Variants in FBXO4 observed in about 807,000 individuals in gnomAD.
FBXO4 encodes the protein F-box only protein 4.
Under a neutral mutation model 43.7 loss-of-function variants are expected in FBXO4, and 36 were observed. The ratio of observed to expected loss-of-function variants is 0.82; its 90% CI spans 0.63 to 1.09. FBXO4 has a LOEUF of 1.09. Among genes scored for constraint, FBXO4 ranks in the 50% least tolerant of loss-of-function variants. FBXO4 has a pLI of 0.00. For synonymous variants in FBXO4, 180 were observed against 165.6 expected, an observed-to-expected ratio of 1.09 and a Z score of -0.67; for missense variants, 435 against 474.1, an observed-to-expected ratio of 0.92 and a Z score of 0.77.
the FBXO4 span, among the ~76,000 whole-genome samples, chr5:42,021,395 T>G: frequency 6.6e-6 from 1 of 152,134 alleles, no homozygotes; most frequent in Non-Finnish European, 1.5e-5. Flanking sequence ...GGTCTTGATT[T>G]GAGCACCCTT....
the FBXO4 span, among the ~76,000 whole-genome samples, chr5:42,010,844 G>C: frequency 5.3e-5 from 8 of 151,844 alleles, no homozygotes; most frequent in South Asian, 1.7e-3. Context: ...CCATTTCCTG[G>C]CTCAAGATTT....
At chr5:42,031,422 A>G in the FBXO4 span, among the ~76,000 whole-genome samples, 1 of 141,428 alleles carries the variant, frequency 7.1e-6, no homozygotes, top group African/African-American at 2.6e-5. Flanking sequence ...GAACACATGG[A>G]CACAGGAAGG....
chr5:42,006,914 A>ATATATATATATATATATATATATATG, the FBXO4 span, among the ~76,000 whole-genome samples: 8 of 141,490 alleles, frequency 5.7e-5, no homozygotes, highest in African/African-American at 2.1e-4. Flanking sequence ...ATATATATAT[A>ATATATATATATATATATATATATATG]TATGTATATA....
the FBXO4 span, among the ~76,000 whole-genome samples, chr5:41,991,278 A>C: frequency 1.3e-5 from 2 of 152,204 alleles, no homozygotes; most frequent in Non-Finnish European, 2.9e-5. Context: ...CAACTTTCTT[A>C]TTCCTACCAA....
chr5:42,005,525 C>G, the FBXO4 span, among the ~76,000 whole-genome samples: 68 of 152,186 alleles, frequency 4.5e-4, no homozygotes, highest in Non-Finnish European at 9.0e-4. Context: ...TCTCTAATCA[C>G]TGAAGAAATC....
chr5:41,925,572 G>A (rs1751460363), intron 1 of FBXO4, 74 bp downstream of exon 1: 1 of 1,171,222 alleles, frequency 8.5e-7, no homozygotes, highest in Non-Finnish European at 1.1e-6. Flanking sequence ...GGAGCCCCCC[G>A]GGGCCTGGGG....
the FBXO4 span, among the ~76,000 whole-genome samples, chr5:41,979,765 C>A: frequency 6.6e-6 from 1 of 152,306 alleles, no homozygotes; most frequent in Non-Finnish European, 1.5e-5. Context: ...AATTCTGAGG[C>A]TTTCTATTAT....
At chr5:41,933,342 A>AGTACCTGGGAAACAGGCATGGGCCACC (rs1174900972) in intron 3 of FBXO4, among the ~76,000 whole-genome samples, 8 of 152,070 alleles carry the variant, frequency 5.3e-5, no homozygotes, top group Non-Finnish European at 8.8e-5. Flanking sequence ...CAGCCTCCCA[A>AGTACCTGGGAAACAGGCATGGGCCACC]GTACCTGGGA....
At chr5:42,031,933 AGAG>A in the FBXO4 span, among the ~76,000 whole-genome samples, 1 of 152,098 alleles carries the variant, frequency 6.6e-6, no homozygotes, top group Non-Finnish European at 1.5e-5. Flanking sequence ...GCAGACTTGT[AGAG>A]GTACCACCTT....
chr5:42,029,613 G>A, the FBXO4 span, among the ~76,000 whole-genome samples: 1 of 151,788 alleles, frequency 6.6e-6, no homozygotes, highest in African/African-American at 2.4e-5. Flanking sequence ...GATTCTGTAG[G>A]TGTGCTTTAT....
chr5:42,020,461 T>G, the FBXO4 span, among the ~76,000 whole-genome samples: 1 of 152,168 alleles, frequency 6.6e-6, no homozygotes, highest in African/African-American at 2.4e-5. Context: ...CTGCTGTGAG[T>G]GTTGTATCAC....
the FBXO4 span, among the ~76,000 whole-genome samples, chr5:41,969,374 A>G: frequency 6.6e-6 from 1 of 152,178 alleles, no homozygotes; most frequent in Non-Finnish European, 1.5e-5. Flanking sequence ...CAGTCTATTC[A>G]TGCCGTTCTC....
At chr5:41,996,838 C>G in the FBXO4 span, among the ~76,000 whole-genome samples, 1 of 152,150 alleles carries the variant, frequency 6.6e-6, no homozygotes, top group African/African-American at 2.4e-5. Flanking sequence ...GTAGAAGGCC[C>G]CTGAATTTTA....
At chr5:42,034,650 G>A in the FBXO4 span, among the ~76,000 whole-genome samples, 1 of 152,038 alleles carries the variant, frequency 6.6e-6, no homozygotes, top group East Asian at 1.9e-4. Flanking sequence ...TTTTTGTCAG[G>A]TTTGTCGAAA....
the FBXO4 span, among the ~76,000 whole-genome samples, chr5:41,993,716 T>C: frequency 2.6e-5 from 4 of 151,490 alleles, no homozygotes; most frequent in Middle Eastern, 3.4e-3. Flanking sequence ...GGTTCCACAA[T>C]AGGCCATGTG....
At chr5:41,967,662 G>T in the FBXO4 span, 2 of 731,592 alleles carry the variant, frequency 2.7e-6, no homozygotes, top group African/African-American at 1.7e-5. Context: ...ACACTGCATG[G>T]AGTAGCTGGT....
At chr5:41,949,407 A>C in the FBXO4 span, among the ~76,000 whole-genome samples, 1 of 152,214 alleles carries the variant, frequency 6.6e-6, no homozygotes, top group East Asian at 1.9e-4. Flanking sequence ...AATCACAAGC[A>C]TTCTTATACA....
the FBXO4 span, among the ~76,000 whole-genome samples, chr5:41,994,030 C>T: frequency 2.6e-5 from 4 of 152,080 alleles, no homozygotes; most frequent in East Asian, 1.9e-4. Context: ...ATCAAGTTGA[C>T]GCTCAGAATT....
the FBXO4 span, among the ~76,000 whole-genome samples, chr5:41,970,379 C>T: frequency 3.3e-5 from 5 of 152,024 alleles, no homozygotes; most frequent in East Asian, 9.6e-4. Context: ...TATATCTTCA[C>T]CTGTTAACCA....
Sources: allele counts gnomAD v4.1 joint callset (sites outside exome capture counted in the v4.1 genomes callset), GRCh38; gene constraint gnomAD v4.1.1; transcripts MANE v1.5; gene names NCBI Gene and HGNC (gene_info 2026-07-23, HGNC 2026-07-21).